Variants in JAM2 observed in about 807,000 individuals in gnomAD.
JAM2 encodes the protein junctional adhesion molecule 2.
A neutral mutation model predicts 42.0 loss-of-function variants in JAM2; 17 were observed. The ratio of observed to expected loss-of-function variants is 0.40; its 90% CI spans 0.28 to 0.61. JAM2 has a LOEUF of 0.61. JAM2 is among the 20% of genes least tolerant of loss of function. The pLI is 0.37. For missense variants in JAM2, 319 were observed against 358.3 expected, an observed-to-expected ratio of 0.89 and a Z score of 0.89; for synonymous variants, 118 against 128.6, an observed-to-expected ratio of 0.92 and a Z score of 0.56.
chr21:25,716,679 G>A lies in JAM2; in HGVS notation c.*2007G>A, dbSNP rs1389506449. ...AAAACAAGCAAGTAGTCATGTCTGT[G>A]TTCCAATAAGACTTTATTTACAAAA... On this transcript the variant is annotated 3_prime_UTR_variant, in exon 10 of 10. Transcript: ENST00000480456. 1 of 152,192 alleles carries A rather than the reference G, an allele frequency of 6.6e-6. No individual in the cohort carries two copies. Among genetic ancestry groups the A allele is most frequent in the African/African-American group, 2.4e-5 (1 of 41,446 alleles). The allele number at this position is 152,192 out of a possible 1,614,324, so 9.4% of individuals were successfully genotyped here. A position where few individuals can be genotyped will look rare whatever the true frequency, so the allele number is the denominator to read the frequency against.
chr21:25,656,664 A>G lies in JAM2; in HGVS notation c.67+16776A>G, dbSNP rs191446604. Among the ~76,000 whole-genome samples, 16 of 152,298 alleles carry G rather than the reference A, an allele frequency of 1.1e-4. No individual in the cohort carries two copies. In the East Asian group the frequency reaches 1.9e-3, roughly 18 times the overall value. The stretch of plus-strand genomic sequence containing the variant: ...GCTGGACAACACTTTCTCCAAATAC[A>G]CTATGAATTTATGAGCAAGGGAATG... On this transcript the variant is annotated intron_variant, in intron 1 of 9. Coordinates refer to ENST00000480456, the MANE Select transcript of JAM2 (RefSeq NM_021219.4).
chr21:25,642,299 C>G (rs546944245), intron 1 of JAM2, among the ~76,000 whole-genome samples: 50 of 152,006 alleles, frequency 3.3e-4, no homozygotes, highest in Non-Finnish European at 5.9e-4. Context: ...AGATGGGTCT[C>G]TCCCTTCCCT....
intron 3 of JAM2, among the ~76,000 whole-genome samples, chr21:25,690,381 C>A (rs1429692562): frequency 6.6e-6 from 1 of 151,744 alleles, no homozygotes; most frequent in Non-Finnish European, 1.5e-5. Context: ...CAGTCTGGAG[C>A]ACAGTGGTAT....
At chr21:25,689,176 C>T (rs1054530272) in intron 2 of JAM2, among the ~76,000 whole-genome samples, 4 of 152,094 alleles carry the variant, frequency 2.6e-5, no homozygotes, top group Non-Finnish European at 5.9e-5. Flanking sequence ...AGATTTAATA[C>T]TTTAATAATT....
chr21:25,677,999 C>T (rs759202405), intron 1 of JAM2, among the ~76,000 whole-genome samples: 4 of 152,008 alleles, frequency 2.6e-5, no homozygotes, highest in Non-Finnish European at 5.9e-5. Flanking sequence ...TTTGGCAGGC[C>T]GAGGCAGGTG....
intron 1 of JAM2, among the ~76,000 whole-genome samples, chr21:25,656,786 A>T (rs2032950635): frequency 6.6e-6 from 1 of 152,286 alleles, no homozygotes; most frequent in Non-Finnish European, 1.5e-5. Flanking sequence ...CCTCCATGGG[A>T]TATATATTCA....
Position 25,716,424 on chromosome 21 carries a change from G to A in JAM2, c.*1752G>A, listed in dbSNP as rs753179717. On this transcript the variant is annotated 3_prime_UTR_variant, in exon 10 of 10. Transcript: ENST00000480456. ...ATGTGCCTGGACACCAGGCCACCGGGAAGATGCTCCCCCTTTGACTTGTCT... is the reference window on the plus strand; with the variant it reads ...ATGTGCCTGGACACCAGGCCACCGGAAAGATGCTCCCCCTTTGACTTGTCT... 5.9e-5 allele frequency: 9 copies of A among 152,228 alleles called. No individual in the cohort carries two copies. The highest frequency in any genetic ancestry group is 1.0e-4 in the Non-Finnish European group (7 of 68,052). The allele number at this position is 152,228 out of a possible 1,614,324, so 9.4% of individuals were successfully genotyped here.
chr21:25,680,970 A>G (rs2033618142), intron 1 of JAM2, among the ~76,000 whole-genome samples: 1 of 152,214 alleles, frequency 6.6e-6, no homozygotes, highest in Non-Finnish European at 1.5e-5. Flanking sequence ...CAGGTAAGAT[A>G]CAGACTGAAA....
intron 2 of JAM2, among the ~76,000 whole-genome samples, chr21:25,688,663 C>T (rs930419564): frequency 1.2e-4 from 18 of 152,262 alleles, no homozygotes; most frequent in Admixed American, 5.2e-4. Flanking sequence ...TTCTTCCTTG[C>T]CTTTCTTTTC....
At chr21:25,667,924 A>G (rs1194331879) in intron 1 of JAM2, among the ~76,000 whole-genome samples, 3 of 152,224 alleles carry the variant, frequency 2.0e-5, no homozygotes, top group African/African-American at 7.2e-5. Flanking sequence ...GCAGGATCAA[A>G]GGAATCAGGA....
At chr21:25,686,636 G>C (rs2829865) in intron 2 of JAM2, among the ~76,000 whole-genome samples, 36,178 of 152,188 alleles carry the variant, frequency 0.24, 4,518 homozygotes, top group South Asian at 0.31. Context: ...GCAGCCCTCT[G>C]CAAAGGGAGT....
In JAM2 at chr21:25,652,200, A is replaced by G. The variant is rs202098547; in HGVS notation, c.67+12312A>G. 6.6e-5 allele frequency among the ~76,000 whole-genome samples: 10 copies of G among 152,228 alleles called. No homozygotes were observed. In the East Asian group the frequency reaches 1.5e-3, roughly 24 times the overall value. On this transcript the variant is annotated intron_variant, in intron 1 of 9. Coordinates refer to ENST00000480456, the MANE Select transcript of JAM2 (RefSeq NM_021219.4). ...CAGGAGTTCAAGACCAGCCTAGGCC[A>G]TATAGGAAGGCCACGCCTCTACAAA...
intron 1 of JAM2, among the ~76,000 whole-genome samples, chr21:25,655,761 G>T (rs1600998159): frequency 6.8e-6 from 1 of 147,266 alleles, no homozygotes; most frequent in African/African-American, 2.5e-5. Flanking sequence ...CTCCCAAATT[G>T]CTGGGATTAC....
At chr21:25,708,972 C>T (rs1325905618) in intron 7 of JAM2, among the ~76,000 whole-genome samples, 1 of 152,004 alleles carries the variant, frequency 6.6e-6, no homozygotes, top group East Asian at 1.9e-4. Flanking sequence ...GCCCTCCCCG[C>T]CTATTTTTCT....
intron 1 of JAM2, among the ~76,000 whole-genome samples, chr21:25,644,756 G>A (rs751645996): frequency 2.6e-5 from 4 of 152,218 alleles, no homozygotes; most frequent in Non-Finnish European, 5.9e-5. Flanking sequence ...TATGCACAGC[G>A]ACAGTGTTTT....
At chr21:25,650,381 C>A (rs972812708) in intron 1 of JAM2, among the ~76,000 whole-genome samples, 1 of 152,148 alleles carries the variant, frequency 6.6e-6, no homozygotes, top group African/African-American at 2.4e-5. Context: ...CCCCTGGATC[C>A]AGGTGAGTCA....
chr21:25,649,776 C>T (rs2032721499), intron 1 of JAM2, among the ~76,000 whole-genome samples: 1 of 152,080 alleles, frequency 6.6e-6, no homozygotes, highest in Admixed American at 6.5e-5. Context: ...AACAGAACAC[C>T]TGAGACTGGG....
chr21:25,659,762 T>G (rs1259292995), intron 1 of JAM2, among the ~76,000 whole-genome samples: 1 of 152,188 alleles, frequency 6.6e-6, no homozygotes, highest in Non-Finnish European at 1.5e-5. Context: ...CTGAAAAAAT[T>G]AAATATATTA....
chr21:25,690,930 T>C (rs931114336), intron 3 of JAM2, among the ~76,000 whole-genome samples: 1 of 152,206 alleles, frequency 6.6e-6, no homozygotes, highest in Admixed American at 6.5e-5. Flanking sequence ...TAATGATGGA[T>C]GAACTGTTAT....
Sources: allele counts gnomAD v4.1 joint callset (sites outside exome capture counted in the v4.1 genomes callset), GRCh38; gene constraint gnomAD v4.1.1; transcripts MANE v1.5; gene names NCBI Gene and HGNC (gene_info 2026-07-23, HGNC 2026-07-21).